TUT4: variants seen among roughly 807,000 people sequenced by gnomAD.
The protein encoded by TUT4 is terminal uridylyl transferase 4.
A neutral mutation model predicts 192.2 loss-of-function variants in TUT4; 36 were observed. The observed-to-expected ratio is 0.19, with a 90% CI of 0.14 to 0.25. The LOEUF (loss-of-function observed/expected upper bound fraction) is 0.25, where lower values mean the gene tolerates loss of function less well. Among genes scored for constraint, TUT4 ranks in the 10% least tolerant of loss-of-function variants. The probability of loss-of-function intolerance (pLI) is 1.00; values close to 1 mark genes in which losing one functional copy is unlikely to be tolerated. For missense variants in TUT4, 1,493 were observed against 1,957.2 expected (o/e 0.76, Z 4.47); for synonymous variants, 618 against 666.0 (o/e 0.93, Z 1.11).
chr1:52,495,256 C>G (rs911970979), intron 6 of TUT4, among the ~76,000 whole-genome samples, 171 bp downstream of exon 6: 1 of 151,792 alleles, frequency 6.6e-6, no homozygotes, highest in East Asian at 1.9e-4. Context: ...TTTCTTTTAT[C>G]CTGCCTTTGT....
At chr1:52,509,523 C>T (rs1439803094) in intron 4 of TUT4, 73 bp downstream of exon 4, 8 of 915,356 alleles carry the variant, frequency 8.7e-6, no homozygotes, top group Non-Finnish European at 1.3e-5. Flanking sequence ...TTTTTAGTTT[C>T]ACAAATAAAA....
chr1:52,481,331 G>A (rs750370477), intron 11 of TUT4, 92 bp downstream of exon 11: 161 of 1,356,460 alleles, frequency 1.2e-4, no homozygotes, highest in Non-Finnish European at 1.6e-4. Context: ...CTTGCTCAAG[G>A]TCAGTCAATC....
At position 52,513,393 on chromosome 1, in the gene TUT4, C is replaced by CAAAAAAAA. The variant is rs554170439; in HGVS notation, c.882+2490_882+2497dup. Reference sequence around the variant, plus strand: ...GGGCAACCAGAATGAGACCCTGTCTCAAAAAAAAAAAAAAAAAAAAAGTAC... The same window carrying CAAAAAAAA: ...GGGCAACCAGAATGAGACCCTGTCTCAAAAAAAAAAAAAAAAAAAAAAAAAAAAAGTAC... On this transcript the variant is annotated intron_variant, in intron 3 of 29. Transcript: ENST00000257177. Among the ~76,000 whole-genome samples the CAAAAAAAA allele has an allele frequency of 1.4e-3, 60 of 42,092 alleles. 10 individuals are homozygous for CAAAAAAAA. Among genetic ancestry groups the CAAAAAAAA allele is most frequent in the African/African-American group, 9.2e-3 (53 of 5,754 alleles). 27.6% of individuals were successfully genotyped at this position (42,092 alleles called of 152,430 possible). A position where few individuals can be genotyped will look rare whatever the true frequency, so the allele number is the denominator to read the frequency against.
Position 52,533,115 on chromosome 1 carries a change from A to G in TUT4, c.-93-6742T>C, listed in dbSNP as rs142525165. Among the ~76,000 whole-genome samples, 3 of 152,336 alleles carry G rather than the reference A, an allele frequency of 2.0e-5. No homozygotes were observed. In the East Asian group the frequency reaches 5.8e-4, roughly 29 times the overall value. ...AAACCCAGGTCATGTCCACTCAGCTAGTCCTTGGCCATACTTTTGGTGAGA... is the reference window on the plus strand; with the variant it reads ...AAACCCAGGTCATGTCCACTCAGCTGGTCCTTGGCCATACTTTTGGTGAGA... On this transcript the variant is annotated intron_variant, in intron 1 of 29. Coordinates refer to ENST00000257177, the MANE Select transcript of TUT4 (RefSeq NM_001009881.3).
chr1:52,525,875 T>G lies in TUT4; in HGVS notation c.406A>C (p.Asn136His). ...AKAEKSPKSP[N>H]SVKAEKASSY... The stretch of plus-strand genomic sequence containing the variant: ...GATGCTTTTTCTGCTTTCACTGAAT[T>G]AGGTGACTTTGGTGATTTTTCTGCT... The change falls in exon 2 of 30, where the codon AAT becomes CAT. Residue 136 changes from asparagine (N) to histidine (H), a missense_variant. Around this residue, in one of 7 missense-constraint regions of TUT4, gnomAD observed 260 missense variants for 247.8 expected, o/e 1.05. Transcript: ENST00000257177. 1.2e-6 allele frequency: 2 copies of G among 1,614,120 alleles called. No individual in the cohort carries two copies. Among genetic ancestry groups the G allele is most frequent in the Non-Finnish European group, 1.7e-6 (2 of 1,180,024 alleles).
At chr1:52,476,758 A>G (rs187614065) in intron 12 of TUT4, among the ~76,000 whole-genome samples, 61 of 152,332 alleles carry the variant, frequency 4.0e-4, no homozygotes, top group African/African-American at 1.4e-3. Context: ...GTTTGCATGT[A>G]TATTTCAGAA....
intron 12 of TUT4, among the ~76,000 whole-genome samples, chr1:52,476,649 A>G (rs1337354242): frequency 2.0e-5 from 3 of 151,888 alleles, no homozygotes; most frequent in East Asian, 1.9e-4. Context: ...AAAATGAAAG[A>G]GGGGGGGAAA....
intron 6 of TUT4, 127 bp from the exon 7 acceptor site, chr1:52,493,789 A>T: frequency 3.0e-6 from 2 of 676,558 alleles, no homozygotes; most frequent in Non-Finnish European, 5.1e-6. Flanking sequence ...TTAAATAGTG[A>T]AAACAGAATC....
At chr1:52,535,976 C>A (rs564990629) in intron 1 of TUT4, among the ~76,000 whole-genome samples, 13 of 152,168 alleles carry the variant, frequency 8.5e-5, no homozygotes, top group Non-Finnish European at 1.5e-4. Context: ...AAAGTTCATT[C>A]TGCCGTACAA....
chr1:52,501,429 C>T (rs865989666), intron 4 of TUT4, among the ~76,000 whole-genome samples: 1 of 137,510 alleles, frequency 7.3e-6, no homozygotes, highest in African/African-American at 2.8e-5. Context: ...ATCAGCATTG[C>T]TATTATGGGG....
chr1:52,441,321 T>C (rs1399446275), intron 24 of TUT4, among the ~76,000 whole-genome samples: 1 of 149,942 alleles, frequency 6.7e-6, no homozygotes, highest in African/African-American at 2.5e-5. Flanking sequence ...TGTCGTTCTG[T>C]TGCCCAGGCT....
Position 52,526,114 on chromosome 1 carries a change from T to G in TUT4, c.167A>C (p.Lys56Thr). 1 of 1,608,608 alleles carries G rather than the reference T, an allele frequency of 6.2e-7. No individual in the cohort carries two copies. Among genetic ancestry groups the G allele is most frequent in the Non-Finnish European group, 8.5e-7 (1 of 1,178,774 alleles). Residue 56 changes from lysine (K) to threonine (T), a missense_variant, in exon 2 of 30, where the codon AAA becomes ACA. Transcript: ENST00000257177. ...ACAAATATCATTTTGCTTATTTTTT[T>G]TACTACTATTCCTATTTGGAGAGCT... Reference protein sequence around the residue: ...ENSSPNRNSSKKNKQNDICIE... With the variant: ...ENSSPNRNSSTKNKQNDICIE...
intron 16 of TUT4, chr1:52,463,506 A>G (rs1663192397): frequency 9.4e-7 from 1 of 1,065,624 alleles, no homozygotes; most frequent in Non-Finnish European, 1.1e-6. Context: ...TGATTTTAGA[A>G]AAGCACACTA....
At chr1:52,513,421 T>C (rs1233138732) in intron 3 of TUT4, among the ~76,000 whole-genome samples, 1 of 80,012 alleles carries the variant, frequency 1.2e-5, no homozygotes, top group Admixed American at 1.1e-4. Flanking sequence ...AAAAGTACAA[T>C]GAATTGTACC....
chr1:52,513,732 T>C (rs1033205896), intron 3 of TUT4, among the ~76,000 whole-genome samples: 7 of 152,198 alleles, frequency 4.6e-5, no homozygotes, highest in Non-Finnish European at 7.3e-5. Flanking sequence ...TTCACTCCTA[T>C]GTAACTTCCC....
intron 24 of TUT4, among the ~76,000 whole-genome samples, chr1:52,439,017 C>G (rs1654666524): frequency 7.1e-6 from 1 of 140,388 alleles, no homozygotes; most frequent in African/African-American, 2.7e-5. Context: ...TTGCAGTAAG[C>G]AAAGATCGTG....
At chr1:52,437,078 C>A (rs1363947432) in intron 25 of TUT4, 100 bp from the exon 26 acceptor site, 3 of 1,460,434 alleles carry the variant, frequency 2.1e-6, no homozygotes, top group Non-Finnish European at 1.8e-6. Flanking sequence ...ACATGCCCAT[C>A]ATTTCATGCG....
intron 2 of TUT4, among the ~76,000 whole-genome samples, chr1:52,517,310 G>A (rs1403010547): frequency 2.0e-5 from 3 of 152,154 alleles, no homozygotes. Flanking sequence ...GCCTAGATCT[G>A]AGCTAATGCT....
rs761025403 is a variant in TUT4, at chr1:52,458,357, A to C, written c.3414T>G (p.Pro1138=). Residue 1138 remains proline, a synonymous_variant, in exon 20 of 30, where the codon CCT becomes CCG. Transcript: ENST00000257177. ...VLYFLQQRKP[P]VIPVLQEIFD... Reference sequence around the variant, plus strand: ...CTACCTCTTGTAGAACTGGGATAACAGGTGGCTTTCTCTGCTGCAGAAAGT... The same window carrying C: ...CTACCTCTTGTAGAACTGGGATAACCGGTGGCTTTCTCTGCTGCAGAAAGT... The C allele has an allele frequency of 1.2e-6, 2 of 1,613,698 alleles. No homozygotes were observed. The highest frequency in any genetic ancestry group is 1.7e-6 in the Non-Finnish European group (2 of 1,179,864).
Sources: gnomAD v4.1 joint callset for allele counts (sites outside exome capture counted in the v4.1 genomes callset) on GRCh38, gnomAD v4.1.1 for gene constraint, gnomAD v4.1.1 regional missense constraint, MANE v1.5 for transcripts, NCBI Gene and HGNC (gene_info 2026-07-23, HGNC 2026-07-21) for gene names.